Variants in ARMC2 observed in about 807,000 individuals in gnomAD.
ARMC2 encodes armadillo repeat-containing protein 2.
In ARMC2, 67 loss-of-function variants were observed where a neutral mutation model predicts 90.3. The ratio of observed to expected loss-of-function variants is 0.74; its 90% CI spans 0.61 to 0.91. The LOEUF (loss-of-function observed/expected upper bound fraction) is 0.91, where lower values mean the gene tolerates loss of function less well. ARMC2 is among the 40% of genes least tolerant of loss of function. The pLI is 0.00. For synonymous variants in ARMC2, 393 were observed against 393.0 expected (o/e 1.00, Z 0.00); for missense variants, 920 against 1,030.9 (o/e 0.89, Z 1.47).
chr6:108,900,111 C>T (rs566560230), intron 7 of ARMC2, among the ~76,000 whole-genome samples: 36 of 152,270 alleles, frequency 2.4e-4, no homozygotes, highest in African/African-American at 8.4e-4. Flanking sequence ...TCAGGTGGCT[C>T]TTCATACTCA....
chr6:109,035,913 T>C, the ARMC2 span, among the ~76,000 whole-genome samples: 1 of 152,182 alleles, frequency 6.6e-6, no homozygotes, highest in East Asian at 1.9e-4. Flanking sequence ...CTATCACATA[T>C]TAATGATTAA....
At chr6:108,994,772 G>A in the ARMC2 span, among the ~76,000 whole-genome samples, 1 of 143,808 alleles carries the variant, frequency 7.0e-6, no homozygotes, top group African/African-American at 2.6e-5. Context: ...GCGCGATCTC[G>A]GCTCACTGCA....
At chr6:109,046,242 C>T in the ARMC2 span, among the ~76,000 whole-genome samples, 2 of 150,632 alleles carry the variant, frequency 1.3e-5, no homozygotes, top group Non-Finnish European at 3.0e-5. Flanking sequence ...TGCAGGCACG[C>T]GCCGCCACGC....
downstream of ARMC2, among the ~76,000 whole-genome samples, chr6:108,976,478 G>A (rs975781173): frequency 6.6e-6 from 1 of 152,088 alleles, no homozygotes; most frequent in African/African-American, 2.4e-5. Context: ...GGATTCTCTT[G>A]GCTATGTGGG....
intron 15 of ARMC2, among the ~76,000 whole-genome samples, chr6:108,963,566 C>G (rs1778148873): frequency 6.6e-6 from 1 of 152,168 alleles, no homozygotes; most frequent in African/African-American, 2.4e-5. Flanking sequence ...CTCACTCTTC[C>G]CCAACCCTTT....
chr6:108,870,745 A>G (rs1776321672), intron 4 of ARMC2, among the ~76,000 whole-genome samples: 1 of 152,194 alleles, frequency 6.6e-6, no homozygotes, highest in African/African-American at 2.4e-5. Context: ...CTTTACCTTG[A>G]TGTCCCGATT....
chr6:109,044,792 G>T, the ARMC2 span, among the ~76,000 whole-genome samples: 2 of 152,150 alleles, frequency 1.3e-5, no homozygotes, highest in African/African-American at 4.8e-5. Context: ...GGGAGGTCGA[G>T]GAGGGCAGAT....
chr6:108,956,215 C>T (rs757323856), intron 13 of ARMC2, among the ~76,000 whole-genome samples: 1 of 152,244 alleles, frequency 6.6e-6, no homozygotes, highest in Non-Finnish European at 1.5e-5. Flanking sequence ...GGGCACATGG[C>T]TGTGAACAGC....
chr6:108,957,029 G>A (rs564751622), intron 13 of ARMC2, among the ~76,000 whole-genome samples: 1 of 152,232 alleles, frequency 6.6e-6, no homozygotes, highest in Non-Finnish European at 1.5e-5. Context: ...GGTGGTCAAG[G>A]GCCTCCCTGT....
At chr6:108,945,079 A>G (rs1233750935) in intron 12 of ARMC2, among the ~76,000 whole-genome samples, 6 of 152,134 alleles carry the variant, frequency 3.9e-5, no homozygotes, top group Non-Finnish European at 8.8e-5. Context: ...CCAAAATTCA[A>G]TTAAATGACA....
At chr6:109,012,512 G>T in the ARMC2 span, among the ~76,000 whole-genome samples, 1 of 152,166 alleles carries the variant, frequency 6.6e-6, no homozygotes, top group African/African-American at 2.4e-5. Flanking sequence ...GCAGAGTGGT[G>T]TCAAATGACT....
chr6:109,009,840 C>T, the ARMC2 span, among the ~76,000 whole-genome samples: 3 of 152,128 alleles, frequency 2.0e-5, no homozygotes, highest in African/African-American at 7.2e-5. Context: ...CTTCGGGCTT[C>T]AGGGACAGGG....
At chr6:108,909,008 T>G (rs1386094676) in intron 8 of ARMC2, among the ~76,000 whole-genome samples, 1 of 152,216 alleles carries the variant, frequency 6.6e-6, no homozygotes, top group Admixed American at 6.5e-5. Context: ...AAGCAGAGAT[T>G]GCAATGAGCC....
intron 13 of ARMC2, chr6:108,959,334 A>G (rs184524877): frequency 6.6e-6 from 1 of 152,382 alleles, no homozygotes; most frequent in East Asian, 1.9e-4. Flanking sequence ...AGAATTCAAG[A>G]ACAAGCACAG....
the ARMC2 span, among the ~76,000 whole-genome samples, chr6:109,044,145 C>T: frequency 6.6e-6 from 1 of 151,180 alleles, no homozygotes; most frequent in Non-Finnish European, 1.5e-5. Context: ...GGAGACTCCA[C>T]TACTACAAAT....
chr6:108,987,714 A>G, the ARMC2 span: 1 of 732,802 alleles, frequency 1.4e-6, no homozygotes. Flanking sequence ...AACACATAAA[A>G]TAAGTACACT....
chr6:108,914,285 A>G (rs1413249839), intron 10 of ARMC2, among the ~76,000 whole-genome samples: 1 of 152,188 alleles, frequency 6.6e-6, no homozygotes, highest in Non-Finnish European at 1.5e-5. Flanking sequence ...TGGTGTGCAC[A>G]TATAGTATAT....
chr6:109,009,630 C>G, the ARMC2 span: 27 of 942,556 alleles, frequency 2.9e-5, no homozygotes, highest in Non-Finnish European at 3.5e-5. Context: ...CCCTGGCGGC[C>G]ACGCAAGCCA....
At chr6:108,982,361 C>T in the ARMC2 span, among the ~76,000 whole-genome samples, 1 of 152,176 alleles carries the variant, frequency 6.6e-6, no homozygotes, top group Non-Finnish European at 1.5e-5. Context: ...GAGATCATCT[C>T]TCACCTGTCT....
Sources: gnomAD v4.1 joint callset for allele counts (sites outside exome capture counted in the v4.1 genomes callset) on GRCh38, gnomAD v4.1.1 for gene constraint, MANE v1.5 for transcripts, NCBI Gene and HGNC (gene_info 2026-07-23, HGNC 2026-07-21) for gene names.